The following NRG3 variants were observed in gnomAD, a reference collection of about 807,000 sequenced individuals.
The protein encoded by NRG3 is neuregulin 3.
NRG3 carries 31 observed loss-of-function variants against 66.9 expected under a neutral mutation model. The ratio of observed to expected loss-of-function variants is 0.46; its 90% CI spans 0.35 to 0.63. The LOEUF (loss-of-function observed/expected upper bound fraction) is 0.63, where lower values mean the gene tolerates loss of function less well. Ranked by LOEUF, NRG3 falls within the 20% of genes least tolerant of loss-of-function variation. NRG3 has a pLI of 0.00. For missense variants in NRG3, 910 were observed against 878.9 expected (o/e 1.04, Z -0.45); for synonymous variants, 393 against 359.4 (o/e 1.09, Z -1.06).
chr10:81,921,181 T>C (rs1368937494), intron 1 of NRG3, among the ~76,000 whole-genome samples: 1 of 151,982 alleles, frequency 6.6e-6, no homozygotes, highest in African/African-American at 2.4e-5. Flanking sequence ...AATAAAAGCC[T>C]TTTCTCCCAC....
chr10:82,261,317 T>C (rs2078019564), intron 1 of NRG3, among the ~76,000 whole-genome samples: 1 of 152,182 alleles, frequency 6.6e-6, no homozygotes, highest in African/African-American at 2.4e-5. Flanking sequence ...AGAAGGTCAG[T>C]GCCTGCTTCC....
intron 2 of NRG3, among the ~76,000 whole-genome samples, chr10:82,619,375 C>T (rs149360790): frequency 0.011 from 1,615 of 152,252 alleles, 13 homozygotes; most frequent in Non-Finnish European, 0.017. Flanking sequence ...ATACATTCTG[C>T]AGCAAGATTT....
intron 2 of NRG3, among the ~76,000 whole-genome samples, chr10:82,491,790 C>A (rs1295313144): frequency 6.6e-6 from 1 of 152,146 alleles, no homozygotes; most frequent in Non-Finnish European, 1.5e-5. Context: ...CTTATCTGCC[C>A]TCTGGCATGT....
intron 1 of NRG3, among the ~76,000 whole-genome samples, chr10:81,918,187 C>T (rs1480616757): frequency 9.9e-5 from 15 of 152,134 alleles, no homozygotes; most frequent in Non-Finnish European, 1.5e-5. Flanking sequence ...CATATTCATT[C>T]ATGTGCTGTT....
intron 1 of NRG3, among the ~76,000 whole-genome samples, chr10:82,162,382 A>G (rs1268768918): frequency 1.3e-5 from 2 of 152,166 alleles, no homozygotes; most frequent in Non-Finnish European, 2.9e-5. Context: ...GTTGAACATT[A>G]CAGGGCAGGC....
intron 1 of NRG3, among the ~76,000 whole-genome samples, chr10:82,342,067 GGTGT>G (rs2082714182): frequency 6.6e-6 from 1 of 150,436 alleles, no homozygotes; most frequent in Non-Finnish European, 1.5e-5. Context: ...TGGTATTTCT[GGTGT>G]GTGTATGTAT....
intron 3 of NRG3, among the ~76,000 whole-genome samples, chr10:82,847,342 A>C (rs565895449): frequency 6.6e-6 from 1 of 152,218 alleles, no homozygotes; most frequent in Non-Finnish European, 1.5e-5. Context: ...CTTTGAATAG[A>C]TGTGGTACAG....
At chr10:82,745,463 T>G (rs2058603332) in intron 3 of NRG3, among the ~76,000 whole-genome samples, 1 of 152,270 alleles carries the variant, frequency 6.6e-6, no homozygotes, top group African/African-American at 2.4e-5. Context: ...TACTTAAGTC[T>G]GCTAAGCTAC....
At chr10:82,738,078 T>TAAAAA (rs35993172) in intron 2 of NRG3, among the ~76,000 whole-genome samples, 1 of 147,662 alleles carries the variant, frequency 6.8e-6, no homozygotes. Context: ...ACTAAGAGGT[T>TAAAAA]AAAAAAAAAA....
chr10:82,133,106 TTTTG>T (rs559406365), intron 1 of NRG3, among the ~76,000 whole-genome samples: 89 of 152,126 alleles, frequency 5.9e-4, no homozygotes, highest in South Asian at 2.5e-3. Context: ...TAATTTTAGA[TTTTG>T]TTTGTTCTTG....
intron 1 of NRG3, among the ~76,000 whole-genome samples, chr10:82,347,640 T>C (rs1316308735): frequency 2.0e-5 from 3 of 152,202 alleles, no homozygotes; most frequent in South Asian, 4.2e-4. Context: ...TTCTGTCTCA[T>C]TGGTCTGTCT....
chr10:82,135,406 A>G (rs1079830), intron 1 of NRG3, among the ~76,000 whole-genome samples: 84,485 of 151,730 alleles, frequency 0.56, 24,760 homozygotes, highest in Middle Eastern at 0.67. Context: ...GCTCTCTGTT[A>G]TTATCCCTTT....
intron 2 of NRG3, among the ~76,000 whole-genome samples, chr10:82,545,421 C>T (rs1365002060): frequency 6.7e-6 from 1 of 149,162 alleles, no homozygotes; most frequent in Non-Finnish European, 1.5e-5. Flanking sequence ...CTCTGTCGCC[C>T]AGGCTGGAGT....
intron 2 of NRG3, among the ~76,000 whole-genome samples, chr10:82,662,051 C>A (rs1459562314): frequency 6.6e-6 from 1 of 152,150 alleles, no homozygotes; most frequent in Non-Finnish European, 1.5e-5. Context: ...GGAAAGAGAG[C>A]CCAAAGCCAA....
At chr10:82,543,623 C>T (rs78958124) in intron 2 of NRG3, among the ~76,000 whole-genome samples, 65 of 152,262 alleles carry the variant, frequency 4.3e-4, no homozygotes, top group Non-Finnish European at 7.1e-4. Context: ...TTCCACTGTT[C>T]GTCCAGGGAC....
At chr10:82,568,589 A>T (rs1374022756) in intron 2 of NRG3, among the ~76,000 whole-genome samples, 1 of 151,806 alleles carries the variant, frequency 6.6e-6, no homozygotes, top group African/African-American at 2.4e-5. Context: ...TCATTAAAAG[A>T]GTAGAGAAGT....
At chr10:82,407,481 C>G (rs769169618) in intron 2 of NRG3, among the ~76,000 whole-genome samples, 7 of 151,572 alleles carry the variant, frequency 4.6e-5, no homozygotes, top group Non-Finnish European at 8.9e-5. Flanking sequence ...AGTTAAGGAA[C>G]CTCTGTGTGG....
intron 1 of NRG3, among the ~76,000 whole-genome samples, chr10:82,114,457 T>C (rs1044465260): frequency 3.3e-5 from 5 of 152,112 alleles, no homozygotes; most frequent in African/African-American, 1.2e-4. Flanking sequence ...CCTCTGTGAG[T>C]CTCAGTTTAT....
At chr10:82,691,888 G>A (rs1457644840) in intron 2 of NRG3, among the ~76,000 whole-genome samples, 1 of 152,134 alleles carries the variant, frequency 6.6e-6, no homozygotes, top group Non-Finnish European at 1.5e-5. Context: ...TAGTGCACAC[G>A]GGCTCTTCCC....
Sources: gnomAD v4.1 joint callset for allele counts (sites outside exome capture counted in the v4.1 genomes callset) on GRCh38, gnomAD v4.1.1 for gene constraint, MANE v1.5 for transcripts, NCBI Gene and HGNC (gene_info 2026-07-23, HGNC 2026-07-21) for gene names.